TAF4: variants seen among roughly 807,000 people sequenced by gnomAD.
The protein encoded by TAF4 is transcription initiation factor TFIID subunit 4.
A neutral mutation model predicts 90.3 loss-of-function variants in TAF4; 9 were observed. That is an observed-to-expected ratio of 0.10 (90% confidence interval 0.06 to 0.17). TAF4 has a LOEUF of 0.17. Ranked by LOEUF, TAF4 falls within the 10% of genes least tolerant of loss-of-function variation. TAF4 has a pLI of 1.00. For synonymous variants in TAF4, 818 were observed against 638.9 expected (o/e 1.28, Z -4.23); for missense variants, 1,351 against 1,370.7 (o/e 0.99, Z 0.23).
At chr20:62,014,761 G>A (rs935189313) in intron 1 of TAF4, 54 bp from the exon 2 acceptor site, 36 of 1,597,806 alleles carry the variant, frequency 2.3e-5, no homozygotes, top group Non-Finnish European at 2.9e-5. Flanking sequence ...GAGCCATGAG[G>A]AGGCCCTGGC....
intron 1 of TAF4, among the ~76,000 whole-genome samples, chr20:62,045,409 T>C (rs967100363): frequency 6.6e-6 from 1 of 152,128 alleles, no homozygotes; most frequent in African/African-American, 2.4e-5. Context: ...AGCGCGCCTG[T>C]TTGGGTTTAA....
At chr20:62,062,918 A>T (rs1164433441) in intron 1 of TAF4, among the ~76,000 whole-genome samples, 1 of 152,234 alleles carries the variant, frequency 6.6e-6, no homozygotes, top group Non-Finnish European at 1.5e-5. Context: ...ACCTCTGGAA[A>T]AACATTTTTA....
chr20:62,035,210 T>C (rs2055925919), intron 1 of TAF4, among the ~76,000 whole-genome samples: 2 of 152,198 alleles, frequency 1.3e-5, no homozygotes, highest in Non-Finnish European at 2.9e-5. Flanking sequence ...CCCGAAGAGT[T>C]GATTCTAAAA....
chr20:61,991,446 A>G (rs1306910213), intron 14 of TAF4, among the ~76,000 whole-genome samples: 1 of 151,856 alleles, frequency 6.6e-6, no homozygotes, highest in Admixed American at 6.6e-5. Flanking sequence ...TTAAAAAAAA[A>G]GAGAGAGAGA....
chr20:61,975,521 C>A lies in TAF4; in HGVS notation c.*647G>T, dbSNP rs1377975616. The A allele has an allele frequency of 6.6e-6, 1 of 152,332 alleles. No individual in the cohort carries two copies. 9.4% of individuals were successfully genotyped at this position (152,332 alleles called of 1,614,324 possible). On this transcript the variant is annotated 3_prime_UTR_variant, in exon 15 of 15. Transcript: ENST00000252996. The stretch of plus-strand genomic sequence containing the variant: ...AATGCATTTGTACAGATGCTGACCA[C>A]ACATTCAGAAGGAGCCACCTTTGCT...
At chr20:62,061,956 G>C (rs1217852994) in intron 1 of TAF4, among the ~76,000 whole-genome samples, 1 of 152,226 alleles carries the variant, frequency 6.6e-6, no homozygotes, top group Non-Finnish European at 1.5e-5. Flanking sequence ...TAGCCTTAAA[G>C]ACTTCAGGGT....
rs1472246258 is a variant in TAF4 at position 62,064,629 on chromosome 20, G to T, written c.1182C>A (p.Pro394=). ...PSPAAVPPPA[P]GTPTGLPKGA... ...CTTTGGGCAGCCCGGTGGGGGTCCCGGGGGCGGGCGGCGGGACGGCGGCCG... is the reference window on the plus strand; with the variant it reads ...CTTTGGGCAGCCCGGTGGGGGTCCCTGGGGCGGGCGGCGGGACGGCGGCCG... The change falls in exon 1 of 15, where the codon CCC becomes CCA. Residue 394 remains proline, a synonymous_variant. Coordinates refer to ENST00000252996, the MANE Select transcript of TAF4 (RefSeq NM_003185.4). 1.5e-6 allele frequency: 2 copies of T among 1,352,288 alleles called. No individual in the cohort carries two copies. Among genetic ancestry groups the T allele is most frequent in the Admixed American group, 4.0e-5 (1 of 25,272 alleles). The allele number at this position is 1,352,288 out of a possible 1,614,324, so 83.8% of individuals were successfully genotyped here.
chr20:62,037,806 C>T (rs1018760600), intron 1 of TAF4: 8 of 221,080 alleles, frequency 3.6e-5, no homozygotes, highest in African/African-American at 1.2e-4. Context: ...TATAAAGGGA[C>T]GTCTTTCAGA....
chr20:62,010,013 G>A lies in TAF4; in HGVS notation c.1761+33C>T, dbSNP rs373686518. 5.3e-4 allele frequency: 858 copies of A among 1,611,050 alleles called. 2 individuals carry two copies. Among genetic ancestry groups the A allele is most frequent in the South Asian group, 5.9e-4 (54 of 91,066 alleles). ...TCTGACCTGCGCCACGGGCCTGACC[G>A]TCTTTGAAGGCACGGAAAGGAGTGG... is the stretch of plus-strand genomic sequence containing the variant. On this transcript the variant is annotated intron_variant, in intron 4 of 14. Transcript: ENST00000252996. The surrounding 1 kb of genome is among the most constrained non-coding windows in gnomAD (Gnocchi z 4.5).
intron 6 of TAF4, 139 bp downstream of exon 6, chr20:62,007,408 C>G (rs2055753051): frequency 1.6e-5 from 12 of 738,998 alleles, no homozygotes; most frequent in South Asian, 1.2e-4. Flanking sequence ...GCACTGAGTC[C>G]CCGGCCCCAC....
chr20:62,060,630 T>C (rs2056084301), intron 1 of TAF4, among the ~76,000 whole-genome samples: 1 of 152,168 alleles, frequency 6.6e-6, no homozygotes, highest in Non-Finnish European at 1.5e-5. Flanking sequence ...TTTACACAGC[T>C]CCCCAAAAGT....
rs902225742 is a variant in TAF4, at chr20:61,975,470, A to G, written c.*698T>C. 9 of 152,340 alleles carry G rather than the reference A, an allele frequency of 5.9e-5. No homozygotes were observed. The highest frequency in any genetic ancestry group is 8.8e-5 in the Non-Finnish European group (6 of 68,044). The allele number at this position is 152,340 out of a possible 1,614,324, so 9.4% of individuals were successfully genotyped here. A position where few individuals can be genotyped will look rare whatever the true frequency, so the allele number is the denominator to read the frequency against. On this transcript the variant is annotated 3_prime_UTR_variant, in exon 15 of 15. Transcript: ENST00000252996. Reference sequence around the variant, plus strand: ...AAAGGTTTTCATCTCTTTTAACTTTACAGCTTTACAAACTATAGCAAATAA... The same window carrying G: ...AAAGGTTTTCATCTCTTTTAACTTTGCAGCTTTACAAACTATAGCAAATAA...
intron 14 of TAF4, among the ~76,000 whole-genome samples, chr20:61,986,807 G>C (rs2055595363): frequency 6.6e-6 from 1 of 152,256 alleles, no homozygotes; most frequent in African/African-American, 2.4e-5. Context: ...TAACAAGTGG[G>C]AAAAATAAGG....
intron 1 of TAF4, among the ~76,000 whole-genome samples, chr20:62,025,618 G>A (rs548578310): frequency 3.3e-5 from 5 of 152,296 alleles, no homozygotes; most frequent in East Asian, 3.9e-4. Context: ...CTCTCCTGCC[G>A]CCATGTGAAG....
intron 11 of TAF4, 72 bp downstream of exon 11, chr20:62,000,049 GGGA>G: frequency 6.2e-7 from 1 of 1,605,812 alleles, no homozygotes; most frequent in Non-Finnish European, 8.5e-7. Flanking sequence ...CCTCGGTGTG[GGGA>G]GGAGGCTCCC....
At chr20:61,976,812 TG>T (rs1406850924) in intron 14 of TAF4, among the ~76,000 whole-genome samples, 2 of 152,148 alleles carry the variant, frequency 1.3e-5, no homozygotes, top group East Asian at 3.8e-4. Flanking sequence ...CTGGGTCAGC[TG>T]GGAAGGCTGG....
chr20:62,014,637 C>T lies in TAF4; in HGVS notation c.1431G>A (p.Gln477=). ...MIPQQALAQM[Q]AQAHAQPQTT... is the part of the protein sequence containing the mutation. ...TCTGAGGCTGGGCATGGGCCTGCGC[C>T]TGCATCTGGGCCAAGGCCTGCTGAG... The change falls in exon 2 of 15, where the codon CAG becomes CAA. Residue 477 remains glutamine (Q), a synonymous_variant. Coordinates refer to ENST00000252996, the MANE Select transcript of TAF4 (RefSeq NM_003185.4). The T allele has an allele frequency of 6.2e-7, 1 of 1,614,046 alleles. No homozygotes were observed. Among genetic ancestry groups the T allele is most frequent in the Admixed American group, 1.7e-5 (1 of 59,978 alleles).
chr20:62,015,831 C>T (rs1295656588), intron 1 of TAF4, among the ~76,000 whole-genome samples: 2 of 152,178 alleles, frequency 1.3e-5, no homozygotes, highest in South Asian at 2.1e-4. Context: ...CCAGCTCTTT[C>T]GAAACTCAGC....
At chr20:62,013,044 C>T in intron 2 of TAF4, 110 bp from the exon 3 acceptor site, 1 of 1,444,988 alleles carries the variant, frequency 6.9e-7, no homozygotes, top group Non-Finnish European at 9.2e-7. Flanking sequence ...CAAGTGGGTC[C>T]CAGGCTTATC....
Sources: gnomAD v4.1 joint callset for allele counts (sites outside exome capture counted in the v4.1 genomes callset) on GRCh38, gnomAD v4.1.1 for gene constraint, Gnocchi (gnomAD v3.1) non-coding constraint, MANE v1.5 for transcripts, NCBI Gene and HGNC (gene_info 2026-07-23, HGNC 2026-07-21) for gene names.